Variants in CPEB3 observed in about 807,000 individuals in gnomAD.
The protein encoded by CPEB3 is cytoplasmic polyadenylation element-binding protein 3.
CPEB3 carries 20 observed loss-of-function variants against 67.2 expected under a neutral mutation model. The ratio of observed to expected loss-of-function variants is 0.30; its 90% CI spans 0.21 to 0.43. The LOEUF is 0.43. CPEB3 is among the 20% of genes least tolerant of loss of function. The pLI is 1.00. For missense variants in CPEB3, 746 were observed against 968.6 expected, an observed-to-expected ratio of 0.77 and a Z score of 3.05; for synonymous variants, 376 against 393.1, an observed-to-expected ratio of 0.96 and a Z score of 0.51.
At chr10:92,287,962 C>T (rs1168502120) in intron 1 of CPEB3, among the ~76,000 whole-genome samples, 2 of 152,158 alleles carry the variant, frequency 1.3e-5, no homozygotes, top group Non-Finnish European at 2.9e-5. Flanking sequence ...ACTTTTCATG[C>T]AAACAGAATC....
At chr10:92,163,421 CA>C (rs71484283) in intron 4 of CPEB3, among the ~76,000 whole-genome samples, 401 of 142,338 alleles carry the variant, frequency 2.8e-3, no homozygotes, top group Non-Finnish European at 3.6e-3. Context: ...GCAACAAGAG[CA>C]AAAAAAAAAA....
chr10:92,149,965 T>G (rs1458163029), intron 4 of CPEB3, among the ~76,000 whole-genome samples: 2 of 152,156 alleles, frequency 1.3e-5, no homozygotes, highest in Non-Finnish European at 2.9e-5. Context: ...AATATCCAAG[T>G]TCAATCAAGT....
chr10:92,172,354 T>C (rs1053742824), intron 4 of CPEB3, among the ~76,000 whole-genome samples: 2 of 151,936 alleles, frequency 1.3e-5, no homozygotes, highest in African/African-American at 4.8e-5. Flanking sequence ...GTGTGGAGGG[T>C]AATGAAGAAA....
intron 2 of CPEB3, among the ~76,000 whole-genome samples, chr10:92,211,631 G>T (rs1850090388): frequency 6.6e-6 from 1 of 151,218 alleles, no homozygotes; most frequent in African/African-American, 2.4e-5. Flanking sequence ...CTGCCTCTCA[G>T]GTTCAAGCAA....
intron 2 of CPEB3, among the ~76,000 whole-genome samples, chr10:92,197,760 C>T (rs1295314740): frequency 6.6e-6 from 1 of 152,162 alleles, no homozygotes. Context: ...TCTAAGTATG[C>T]TATATGCATT....
intron 7 of CPEB3, among the ~76,000 whole-genome samples, chr10:92,096,374 G>C (rs1436620890): frequency 2.0e-5 from 3 of 151,986 alleles, no homozygotes; most frequent in African/African-American, 7.3e-5. Flanking sequence ...TGGTATCTGA[G>C]GGGGGTCCTA....
At chr10:92,107,804 C>A (rs1332430425) in intron 7 of CPEB3, among the ~76,000 whole-genome samples, 2 of 152,154 alleles carry the variant, frequency 1.3e-5, no homozygotes, top group Non-Finnish European at 2.9e-5. Context: ...CTGAGGAAGT[C>A]AACTAATTAG....
chr10:92,083,958 C>T lies in CPEB3; in HGVS notation c.1688-2457G>A, dbSNP rs573345164. Among the ~76,000 whole-genome samples the T allele has an allele frequency of 3.9e-5, 6 of 152,050 alleles. No homozygotes were observed. The South Asian group carries it at 1.2e-3, about 32-fold the overall frequency. ...CAGCACTTTGGGAGGCCAAGGTGGG[C>T]GGATCTTGAGGTCAGGAGATGGAGA... On this transcript the variant is annotated intron_variant, in intron 8 of 9. Coordinates refer to ENST00000265997, the MANE Select transcript of CPEB3 (RefSeq NM_014912.5).
intron 2 of CPEB3, among the ~76,000 whole-genome samples, chr10:92,201,256 G>A (rs1199628737): frequency 2.6e-5 from 4 of 152,144 alleles, no homozygotes; most frequent in African/African-American, 7.2e-5. Context: ...GGCCGGGCAC[G>A]GTGGCTCACA....
At chr10:92,077,000 T>C (rs1564758794) in intron 9 of CPEB3, among the ~76,000 whole-genome samples, 1 of 152,114 alleles carries the variant, frequency 6.6e-6, no homozygotes, top group Non-Finnish European at 1.5e-5. Flanking sequence ...CTCCTGACTT[T>C]TAGCACTGCA....
chr10:92,199,522 C>T (rs1010774362), intron 2 of CPEB3, among the ~76,000 whole-genome samples: 22 of 151,262 alleles, frequency 1.5e-4, no homozygotes, highest in African/African-American at 5.3e-4. Flanking sequence ...GAAACCCCGT[C>T]TATACTAAAA....
chr10:92,151,514 T>G (rs967268140), intron 4 of CPEB3, among the ~76,000 whole-genome samples: 3 of 152,154 alleles, frequency 2.0e-5, no homozygotes, highest in African/African-American at 7.2e-5. Context: ...ATGAGAGAGT[T>G]TAACTAGATG....
At chr10:92,233,606 C>T (rs1392930265) in intron 2 of CPEB3, among the ~76,000 whole-genome samples, 1 of 150,174 alleles carries the variant, frequency 6.7e-6, no homozygotes, top group Non-Finnish European at 1.5e-5. Flanking sequence ...ACACAAACTA[C>T]TTGAAAAATA....
Position 92,239,509 on chromosome 10 carries a change from C to A in CPEB3, c.842G>T (p.Gly281Val). ...GATGGGGTTGAGCGGGGAAGGCACC[C>A]CGACACCCACACCCACGCCCACACC... The part of the protein sequence containing the change: ...AVGVGVGVGV[G>V]VPSPLNPISP... Residue 281 changes from glycine (G) to valine (V), a missense_variant, in exon 2 of 10, where the codon GGG becomes GTG. Gly to Val is a moderately radical substitution (Grantham distance 109, BLOSUM62 -3). Transcript: ENST00000265997. The surrounding 1 kb of genome is among the most constrained non-coding windows in gnomAD (Gnocchi z 6.0). 1.9e-6 allele frequency: 3 copies of A among 1,575,556 alleles called. No homozygotes were observed. The highest frequency in any genetic ancestry group is 2.6e-6 in the Non-Finnish European group (3 of 1,159,892).
intron 2 of CPEB3, chr10:92,204,130 AC>A (rs1374267715): frequency 1.3e-5 from 2 of 152,152 alleles, no homozygotes; most frequent in Non-Finnish European, 2.9e-5. Context: ...ATGACATGCT[AC>A]AGCATCTCCC....
chr10:92,137,164 G>T, intron 6 of CPEB3: 1 of 370,880 alleles, frequency 2.7e-6, no homozygotes, highest in Non-Finnish European at 5.1e-6. Context: ...CCACACCTTG[G>T]TCCCAGCATC....
chr10:92,255,441 T>G (rs542632108), intron 1 of CPEB3, among the ~76,000 whole-genome samples: 1 of 152,336 alleles, frequency 6.6e-6, no homozygotes, highest in East Asian at 1.9e-4. Flanking sequence ...AGTCCTATTT[T>G]CTTTGTGCAT....
intron 4 of CPEB3, among the ~76,000 whole-genome samples, chr10:92,147,632 A>C (rs982305327): frequency 2.6e-5 from 4 of 152,208 alleles, no homozygotes; most frequent in South Asian, 4.1e-4. Flanking sequence ...AGGCAAGTAC[A>C]TAAATAATTA....
chr10:92,185,608 T>C (rs550229866), intron 3 of CPEB3, among the ~76,000 whole-genome samples: 3 of 152,336 alleles, frequency 2.0e-5, no homozygotes, highest in Admixed American at 2.0e-4. Context: ...TCTTTACTTC[T>C]ACAATATGTT....
Sources: gnomAD v4.1 joint callset for allele counts (sites outside exome capture counted in the v4.1 genomes callset) on GRCh38, gnomAD v4.1.1 for gene constraint, Gnocchi (gnomAD v3.1) non-coding constraint, MANE v1.5 for transcripts, NCBI Gene and HGNC (gene_info 2026-07-23, HGNC 2026-07-21) for gene names.